Variants in TSNARE1 observed in about 807,000 individuals in gnomAD.
TSNARE1 encodes the protein t-SNARE domain-containing protein 1.
In TSNARE1, 49 loss-of-function variants were observed where a neutral mutation model predicts 62.0. The observed-to-expected ratio is 0.79, with a 90% CI of 0.63 to 1.00. The LOEUF (loss-of-function observed/expected upper bound fraction) is 1.00. TSNARE1 is among the 50% of genes least tolerant of loss of function. The pLI is 0.00. For synonymous variants in TSNARE1, 328 were observed against 294.4 expected (o/e 1.11, Z -1.17); for missense variants, 755 against 700.1 (o/e 1.08, Z -0.88).
At chr8:142,341,195 G>A (rs1453200010) in intron 4 of TSNARE1, among the ~76,000 whole-genome samples, 2 of 152,184 alleles carry the variant, frequency 1.3e-5, no homozygotes, top group Non-Finnish European at 1.5e-5. Context: ...AGTTGAAGTG[G>A]CACAGTGGGG....
intron 6 of TSNARE1, among the ~76,000 whole-genome samples, chr8:142,321,193 G>A (rs190708205): frequency 1.2e-4 from 18 of 152,276 alleles, no homozygotes; most frequent in African/African-American, 1.7e-4. Flanking sequence ...GCACTACAGA[G>A]GGGCCACCTT....
chr8:142,327,951 C>A lies in TSNARE1; in HGVS notation c.893+2950G>T, dbSNP rs143948852. Among the ~76,000 whole-genome samples, 5 of 152,188 alleles carry A rather than the reference C, an allele frequency of 3.3e-5. No individual in the cohort carries two copies. The East Asian group carries it at 9.7e-4, about 30-fold the overall frequency. ...CACCTCTAATGCATCCCCACCAGGG[C>A]CACCCAACCTACACCCTCACCACAC... On this transcript the variant is annotated intron_variant, in intron 6 of 13. Transcript: ENST00000524325.
intron 10 of TSNARE1, chr8:142,300,272 G>A (rs1256970878): frequency 5.8e-6 from 3 of 521,440 alleles, no homozygotes; most frequent in African/African-American, 1.9e-5. Flanking sequence ...AGGAAGGAGG[G>A]GATGGGGATG....
intron 9 of TSNARE1, among the ~76,000 whole-genome samples, chr8:142,309,338 A>G (rs955622677): frequency 6.6e-6 from 1 of 152,168 alleles, no homozygotes. Flanking sequence ...TTTATCTTCT[A>G]TCTTAGGAGA....
intron 12 of TSNARE1, chr8:142,270,186 C>A (rs911244279): frequency 9.1e-6 from 9 of 985,250 alleles, no homozygotes; most frequent in Non-Finnish European, 1.1e-5. Flanking sequence ...CTGTGCCCTG[C>A]CGCGCAGGGA....
chr8:142,229,602 T>C, intron 12 of TSNARE1, 23 bp from the exon 13 acceptor site: 1 of 1,607,296 alleles, frequency 6.2e-7, no homozygotes, highest in Non-Finnish European at 8.5e-7. Context: ...GAGAGGTTGT[T>C]TCCATATCCT....
rs1483334457 is a variant in TSNARE1, at chr8:142,251,297, A to G, written c.1447-21718T>C. 2.1e-5 allele frequency among the ~76,000 whole-genome samples: 3 copies of G among 145,258 alleles called. No individual in the cohort carries two copies. In the East Asian group the frequency reaches 6.7e-4, roughly 32 times the overall value. On this transcript the variant is annotated intron_variant, in intron 12 of 13. Transcript: ENST00000524325. The stretch of plus-strand genomic sequence containing the variant: ...CTGGCTCAGGCAGTGTCGGAGTTTG[A>G]GATTCCGGTCAGCTAGGGCTGAGAA...
chr8:142,330,152 G>A (rs568067597), intron 6 of TSNARE1, among the ~76,000 whole-genome samples: 251 of 152,350 alleles, frequency 1.6e-3, no homozygotes, highest in Middle Eastern at 3.4e-3. Context: ...ACTGCAGGGC[G>A]GGACACAGGC....
At chr8:142,290,553 AC>A (rs779442323) in intron 10 of TSNARE1, among the ~76,000 whole-genome samples, 4 of 152,186 alleles carry the variant, frequency 2.6e-5, no homozygotes, top group Non-Finnish European at 5.9e-5. Context: ...TCAAAACATC[AC>A]TGCATTTTTC....
chr8:142,354,615 C>G, intron 2 of TSNARE1, 22 bp downstream of exon 2: 1 of 1,578,942 alleles, frequency 6.3e-7, no homozygotes, highest in Non-Finnish European at 8.7e-7. Flanking sequence ...TCCCCGCCCC[C>G]ACTTCCAGCT....
intron 12 of TSNARE1, among the ~76,000 whole-genome samples, chr8:142,256,108 A>C: frequency 8.0e-6 from 1 of 125,268 alleles, no homozygotes; most frequent in African/African-American, 3.0e-5. Context: ...CATCACCACC[A>C]CCATCACCAT....
intron 10 of TSNARE1, among the ~76,000 whole-genome samples, chr8:142,284,715 G>A (rs1339345999): frequency 6.6e-6 from 1 of 152,194 alleles, no homozygotes; most frequent in Non-Finnish European, 1.5e-5. Context: ...TCAGAGACAG[G>A]GCAGGGATCT....
intron 7 of TSNARE1, among the ~76,000 whole-genome samples, chr8:142,315,664 A>ACG (rs934504163): frequency 1.5e-4 from 23 of 152,274 alleles, no homozygotes; most frequent in African/African-American, 5.3e-4. Context: ...GGGGCTGGAC[A>ACG]CGCAGCCCTG....
intron 2 of TSNARE1, among the ~76,000 whole-genome samples, chr8:142,346,788 C>T (rs1833428574): frequency 6.6e-6 from 1 of 152,242 alleles, no homozygotes; most frequent in South Asian, 2.1e-4. Flanking sequence ...CCTGAAGCAG[C>T]AGCTCTTGGA....
intron 2 of TSNARE1, among the ~76,000 whole-genome samples, chr8:142,350,054 C>A (rs1833893158): frequency 8.1e-6 from 1 of 124,126 alleles, no homozygotes; most frequent in African/African-American, 3.3e-5. Flanking sequence ...GGGACCAGGG[C>A]AGGCAGGGCT....
intron 11 of TSNARE1, chr8:142,279,736 TG>T: frequency 2.9e-6 from 1 of 350,794 alleles, no homozygotes; most frequent in Non-Finnish European, 4.0e-6. Flanking sequence ...CATGGGCCTC[TG>T]GGTCTCCCTC....
intron 1 of TSNARE1, among the ~76,000 whole-genome samples, chr8:142,402,362 T>C (rs755453662): frequency 6.6e-6 from 1 of 152,190 alleles, no homozygotes; most frequent in African/African-American, 2.4e-5. Flanking sequence ...ATGTGACCAC[T>C]GGCACGGAGG....
intron 11 of TSNARE1, among the ~76,000 whole-genome samples, chr8:142,282,377 C>G (rs1199709301): frequency 6.6e-6 from 1 of 152,228 alleles, no homozygotes; most frequent in Admixed American, 6.5e-5. Flanking sequence ...ACGAGCGGAG[C>G]AGGGACCAGC....
intron 13 of TSNARE1, among the ~76,000 whole-genome samples, chr8:142,225,331 G>A (rs566435958): frequency 5.5e-4 from 83 of 152,222 alleles, no homozygotes; most frequent in African/African-American, 2.0e-3. Flanking sequence ...CCTTGGCCCT[G>A]GCCCTGCTGG....
Sources: gnomAD v4.1 joint callset for allele counts (sites outside exome capture counted in the v4.1 genomes callset) on GRCh38, gnomAD v4.1.1 for gene constraint, MANE v1.5 for transcripts, NCBI Gene and HGNC (gene_info 2026-07-23, HGNC 2026-07-21) for gene names.